SMIM21: variants seen among roughly 807,000 people sequenced by gnomAD.
The protein encoded by SMIM21 is chromosome 18 open reading frame 62.
SMIM21 carries 8 observed loss-of-function variants against 8.6 expected under a neutral mutation model. The observed-to-expected ratio is 0.93, with a 90% CI of 0.55 to 1.68. The LOEUF is 1.68. SMIM21 is among the 40% of genes most tolerant of loss of function. The probability of loss-of-function intolerance (pLI) is 0.00; values close to 1 mark genes in which losing one functional copy is unlikely to be tolerated. For synonymous variants in SMIM21, 43 were observed against 41.7 expected (o/e 1.03, Z -0.12); for missense variants, 132 against 123.0 (o/e 1.07, Z -0.35).
At position 75,418,782 on chromosome 18, in the gene SMIM21, C is replaced by G; in HGVS notation, c.260+4G>C. 2 of 1,598,860 alleles carry G rather than the reference C, an allele frequency of 1.3e-6. No individual in the cohort carries two copies. The highest frequency in any genetic ancestry group is 1.7e-6 in the Non-Finnish European group (2 of 1,172,850). On this transcript the variant is annotated splice_donor_region_variant and intron_variant, in intron 2 of 2. Transcript: ENST00000579022. ...TTTAACTGCTAAGGTTATCGTTTAC[C>G]TACTTTCGAAATATGCTGTTGGCCC... is the stretch of plus-strand genomic sequence containing the variant.
At chr18:75,420,929 A>T (rs1421918521) in intron 1 of SMIM21, among the ~76,000 whole-genome samples, 1 of 152,142 alleles carries the variant, frequency 6.6e-6, no homozygotes, top group Non-Finnish European at 1.5e-5. Flanking sequence ...GTAGTGAGAG[A>T]GTAGTACTTC....
In SMIM21 at chr18:75,415,417, G is replaced by A. The variant is rs1363720383; in HGVS notation, c.260+3369C>T. Among the ~76,000 whole-genome samples the A allele has an allele frequency of 2.6e-5, 4 of 152,224 alleles. No individual in the cohort carries two copies. The East Asian group carries it at 7.7e-4, about 29-fold the overall frequency. On this transcript the variant is annotated intron_variant, in intron 2 of 2. Coordinates refer to ENST00000579022, the MANE Select transcript of SMIM21 (RefSeq NM_001037331.3). ...ACTGGCTCCCCAGCCAGAGGGAGAGGTCTCTGCTGCTGGGAGTCTCTGCTG... is the reference window on the plus strand; with the variant it reads ...ACTGGCTCCCCAGCCAGAGGGAGAGATCTCTGCTGCTGGGAGTCTCTGCTG...
At chr18:75,419,642 T>G (rs907123539) in intron 1 of SMIM21, among the ~76,000 whole-genome samples, 85 of 152,312 alleles carry the variant, frequency 5.6e-4, no homozygotes, top group African/African-American at 1.9e-3. Flanking sequence ...TATTTAGCAT[T>G]CTTCTTCTTT....
At chr18:75,415,340 T>C (rs1167798663) in intron 2 of SMIM21, among the ~76,000 whole-genome samples, 1 of 152,146 alleles carries the variant, frequency 6.6e-6, no homozygotes, top group Non-Finnish European at 1.5e-5. Context: ...TGTATGGAGA[T>C]GGGTGAGAGC....
At position 75,418,869 on chromosome 18, in the gene SMIM21, GA is replaced by G. The variant is rs766869215; in HGVS notation, c.176del (p.Phe59SerfsTer3). On this transcript the variant is annotated frameshift_variant, in exon 2 of 3. Transcript: ENST00000579022. LOFTEE classifies it high-confidence loss of function. ...HIRFFTLLVLFHVMVLLRNHS... is the reference protein window; with the variant it reads ...HIRFFTLLVLXHVMVLLRNHS... The stretch of plus-strand genomic sequence containing the variant: ...GATTCCTCAGCAACACCATCACATG[GA>G]AAAGAACCAACAATGTGAAGAAACG... 2.5e-6 allele frequency: 4 copies of G among 1,607,636 alleles called. No homozygotes were observed. The highest frequency in any genetic ancestry group is 3.4e-6 in the Non-Finnish European group (4 of 1,174,430).
chr18:75,421,363 T>A lies in SMIM21; in HGVS notation c.130-2447A>T, dbSNP rs138995353. ...TAAAACAAAGTGCACAGGGACAGTA[T>A]TTTGGGGGCAGTGAAACAAAATCCA... On this transcript the variant is annotated intron_variant, in intron 1 of 2. Coordinates refer to ENST00000579022, the MANE Select transcript of SMIM21 (RefSeq NM_001037331.3). Among the ~76,000 whole-genome samples, 746 of 152,216 alleles carry A rather than the reference T, an allele frequency of 4.9e-3. 1 individual carries two copies. The highest frequency in any genetic ancestry group is 8.3e-3 in the Non-Finnish European group (566 of 67,998).
intron 2 of SMIM21, among the ~76,000 whole-genome samples, chr18:75,414,163 C>T (rs2144546720): frequency 6.6e-6 from 1 of 150,828 alleles, no homozygotes; most frequent in Admixed American, 6.6e-5. Flanking sequence ...GCATGGCTAT[C>T]CATGTTGTTT....
intron 1 of SMIM21, among the ~76,000 whole-genome samples, chr18:75,424,357 A>G (rs1477928434): frequency 6.6e-6 from 1 of 152,256 alleles, no homozygotes; most frequent in Non-Finnish European, 1.5e-5. Flanking sequence ...TACAAGTAGA[A>G]GCAATATTAT....
chr18:75,418,006 G>A (rs937106371), intron 2 of SMIM21: 77 of 390,188 alleles, frequency 2.0e-4, no homozygotes, highest in Admixed American at 4.0e-4. Context: ...GCTTGTTTCA[G>A]TTTTGATGTG....
chr18:75,426,374 A>G (rs911683834), intron 1 of SMIM21, among the ~76,000 whole-genome samples: 2 of 151,946 alleles, frequency 1.3e-5, no homozygotes, highest in Non-Finnish European at 2.9e-5. Context: ...CAGTGGCACA[A>G]TCTCGGCTCA....
chr18:75,426,789 T>C (rs921767247), intron 1 of SMIM21, among the ~76,000 whole-genome samples: 4 of 152,038 alleles, frequency 2.6e-5, no homozygotes, highest in Non-Finnish European at 4.4e-5. Context: ...AGAGGAACCC[T>C]GTGCTACAGG....
At chr18:75,420,813 T>C (rs1490672740) in intron 1 of SMIM21, among the ~76,000 whole-genome samples, 1 of 152,144 alleles carries the variant, frequency 6.6e-6, no homozygotes, top group African/African-American at 2.4e-5. Flanking sequence ...TCCTGGGCCC[T>C]TTTTCCAGGA....
At chr18:75,421,652 G>A (rs2024709676) in intron 1 of SMIM21, among the ~76,000 whole-genome samples, 1 of 152,174 alleles carries the variant, frequency 6.6e-6, no homozygotes, top group Admixed American at 6.5e-5. Flanking sequence ...AGAACTTTGG[G>A]ACTAGATGCC....
intron 2 of SMIM21, among the ~76,000 whole-genome samples, chr18:75,415,076 G>A (rs1240645043): frequency 6.6e-6 from 1 of 152,116 alleles, no homozygotes; most frequent in Admixed American, 6.5e-5. Context: ...CTGTTAGTGG[G>A]TCCCTAATGG....
intron 1 of SMIM21, among the ~76,000 whole-genome samples, chr18:75,421,255 G>A (rs911138013): frequency 2.0e-5 from 3 of 152,156 alleles, no homozygotes; most frequent in Non-Finnish European, 4.4e-5. Flanking sequence ...GCTTCCTACA[G>A]CATTCTGTGT....
chr18:75,427,424 C>G lies in SMIM21; in HGVS notation c.129+11G>C, dbSNP rs758273519. 2 of 1,612,784 alleles carry G rather than the reference C, an allele frequency of 1.2e-6. No individual in the cohort carries two copies. The highest frequency in any genetic ancestry group is 3.3e-5 in the Admixed American group (2 of 59,942). ...CTCTCATAACCCAAAGTTAAAGACC[C>G]ATAAACTCACTGTGGTAAGTGCTTT... On this transcript the variant is annotated intron_variant, in intron 1 of 2. Coordinates refer to ENST00000579022, the MANE Select transcript of SMIM21 (RefSeq NM_001037331.3).
At chr18:75,422,057 C>G (rs78105528) in intron 1 of SMIM21, among the ~76,000 whole-genome samples, 1 of 152,244 alleles carries the variant, frequency 6.6e-6, no homozygotes, top group Non-Finnish European at 1.5e-5. Flanking sequence ...AGCCAGAGTT[C>G]GGACTCCTTG....
intron 2 of SMIM21, 42 bp from the exon 3 acceptor site, chr18:75,410,951 A>T (rs1198255840): frequency 6.2e-7 from 1 of 1,605,568 alleles, no homozygotes; most frequent in Admixed American, 1.7e-5. Flanking sequence ...TATTTTTTTG[A>T]TAGATATAAT....
Position 75,410,793 on chromosome 18 carries a change from C to G in SMIM21, c.*71G>C, listed in dbSNP as rs942264106. ...CTATCTCTAAGCAATCTGATTTCCT[C>G]TTAATTTCTTTTCATCTTGAGCAGG... On this transcript the variant is annotated 3_prime_UTR_variant, in exon 3 of 3. Transcript: ENST00000579022. 3.7e-6 allele frequency: 6 copies of G among 1,602,252 alleles called. No individual in the cohort carries two copies. Among genetic ancestry groups the G allele is most frequent in the African/African-American group, 1.3e-5 (1 of 74,552 alleles).
Sources: gnomAD v4.1 joint callset for allele counts (sites outside exome capture counted in the v4.1 genomes callset) on GRCh38, gnomAD v4.1.1 for gene constraint, MANE v1.5 for transcripts, NCBI Gene and HGNC (gene_info 2026-07-23, HGNC 2026-07-21) for gene names.